CFL1: variants seen among roughly 807,000 people sequenced by gnomAD.
The protein encoded by CFL1 is cofilin 1.
Under a neutral mutation model 16.3 loss-of-function variants are expected in CFL1, and 2 were observed. The ratio of observed to expected loss-of-function variants is 0.12; its 90% CI spans 0.05 to 0.39. CFL1 has a LOEUF of 0.39. CFL1 is among the 10% of genes least tolerant of loss of function. The pLI, the probability that CFL1 is intolerant of heterozygous loss-of-function variation, is 0.99. For synonymous variants in CFL1, 111 were observed against 84.4 expected (o/e 1.31, Z -1.73); for missense variants, 75 against 212.2 (o/e 0.35, Z 4.02).
chr11:65,855,244 G>T lies in CFL1; in HGVS notation c.*92C>A. ...CCCTCCCCCTGCTGGGATCCCCCCA[G>T]CCCCTCCGGTCTGGCAGGAAGGGGG... is the stretch of plus-strand genomic sequence containing the variant. On this transcript the variant is annotated 3_prime_UTR_variant, in exon 4 of 4. Coordinates refer to ENST00000308162, the MANE Select transcript of CFL1 (RefSeq NM_005507.3). 9.6e-7 allele frequency: 1 copy of T among 1,047,028 alleles called. No individual in the cohort carries two copies. The highest frequency in any genetic ancestry group is 1.5e-6 in the Non-Finnish European group (1 of 681,042). 64.9% of individuals were successfully genotyped at this position (1,047,028 alleles called of 1,614,324 possible). A position where few individuals can be genotyped will look rare whatever the true frequency, so the allele number is the denominator to read the frequency against.
intron 1 of CFL1, chr11:65,857,364 C>T (rs907842472): frequency 5.1e-6 from 2 of 393,888 alleles, no homozygotes; most frequent in Non-Finnish European, 5.2e-6. Flanking sequence ...TCGGCACCGG[C>T]GGCCGGGCCT....
chr11:65,855,476 G>A (rs774112410), intron 3 of CFL1, 28 bp from the exon 4 acceptor site: 2 of 1,607,448 alleles, frequency 1.2e-6, no homozygotes, highest in South Asian at 1.1e-5. Context: ...GAGCATCTGT[G>A]AGCAGGAAGC....
rs1224893784 is a variant in CFL1, at chr11:65,858,137, C to T, written c.-38G>A. 2 of 1,521,224 alleles carry T rather than the reference C, an allele frequency of 1.3e-6. No homozygotes were observed. The highest frequency in any genetic ancestry group is 2.7e-5 in the East Asian group (1 of 37,114). The allele number at this position is 1,521,224 out of a possible 1,614,324, so 94.2% of individuals were successfully genotyped here. On this transcript the variant is annotated 5_prime_UTR_variant, in exon 1 of 4. Coordinates refer to ENST00000308162, the MANE Select transcript of CFL1 (RefSeq NM_005507.3). The stretch of plus-strand genomic sequence containing the variant: ...GAAAAGGAGAGGGCACCGAGAGCCG[C>T]AGAAGACGAGAGCGCTGCAGCCGCT...
chr11:65,855,514 G>A (rs1298836270), intron 3 of CFL1, 66 bp from the exon 4 acceptor site: 53 of 1,569,672 alleles, frequency 3.4e-5, no homozygotes, highest in Non-Finnish European at 4.4e-5. Flanking sequence ...TTCTGTGGCT[G>A]GGAAGGAGCC....
chr11:65,857,455 C>A, intron 1 of CFL1: 1 of 423,878 alleles, frequency 2.4e-6, no homozygotes, highest in Non-Finnish European at 4.8e-6. Context: ...TCGTTAGATG[C>A]GCTCCCGAAC....
intron 2 of CFL1, 32 bp from the exon 3 acceptor site, chr11:65,855,762 G>A (rs1425529694): frequency 6.5e-7 from 1 of 1,527,078 alleles, no homozygotes; most frequent in East Asian, 2.3e-5. Flanking sequence ...GCAACTCCCA[G>A]CAACAGCAAA....
At chr11:65,857,123 A>G in intron 1 of CFL1, 1 of 157,612 alleles carries the variant, frequency 6.3e-6, no homozygotes, top group Non-Finnish European at 1.4e-5. Flanking sequence ...GAGAGGCAGC[A>G]GCATCTCCAG....
rs1395526931 is a variant in CFL1 at position 65,855,179 on chromosome 11, G to A, written c.*157C>T. On this transcript the variant is annotated 3_prime_UTR_variant, in exon 4 of 4. Coordinates refer to ENST00000308162, the MANE Select transcript of CFL1 (RefSeq NM_005507.3). The stretch of plus-strand genomic sequence containing the variant: ...GGATGGAGGGAGAAGGAAAATCCAG[G>A]GGGTGGGGGGTCTGTTTGGCAACTG... 1.6e-5 allele frequency: 10 copies of A among 611,054 alleles called. No individual in the cohort carries two copies. The highest frequency in any genetic ancestry group is 2.9e-5 in the Non-Finnish European group (10 of 341,560). 37.9% of individuals were successfully genotyped at this position (611,054 alleles called of 1,614,324 possible).
In CFL1 at chr11:65,854,756, C is replaced by T. The variant is rs374475263; in HGVS notation, c.*580G>A. On this transcript the variant is annotated 3_prime_UTR_variant, in exon 4 of 4. Transcript: ENST00000308162. ...TAGCACCATTATCCCAGTGCACCCC[C>T]AATCCTGAAGTCTCCTGTGTCCCAA... is the stretch of plus-strand genomic sequence containing the variant. 41 of 153,408 alleles carry T rather than the reference C, an allele frequency of 2.7e-4. No homozygotes were observed. The South Asian group carries it at 7.9e-3, about 30-fold the overall frequency. The allele number at this position is 153,408 out of a possible 1,614,324, so 9.5% of individuals were successfully genotyped here.
rs764416604 is a variant in CFL1, at chr11:65,856,036, G to A, written c.210C>T (p.Thr70=). The part of the protein sequence containing the change: ...VGQTVDDPYA[T]FVKMLPDKDC... ...CCTTATCTGGCAGCATCTTGACAAA[G>A]GTGGCGTAGGGGTCGTCGACAGTCT... Residue 70 remains threonine (T), a synonymous_variant, in exon 2 of 4, where the codon ACC becomes ACT. Coordinates refer to ENST00000308162, the MANE Select transcript of CFL1 (RefSeq NM_005507.3). 12 of 1,614,024 alleles carry A rather than the reference G, an allele frequency of 7.4e-6. No homozygotes were observed. The South Asian group carries it at 8.8e-5, about 12-fold the overall frequency.
chr11:65,856,210 G>T lies in CFL1; in HGVS notation c.36C>A (p.Ile12=). Reference sequence around the variant, plus strand: ...GCACCTTCATGTCGTTGAACACCTTGATGACACCATCAGAGACAGCCACAC... The same window carrying T: ...GCACCTTCATGTCGTTGAACACCTTTATGACACCATCAGAGACAGCCACAC... ...ASGVAVSDGV[I]KVFNDMKVRK... The change falls in exon 2 of 4, where the codon ATC becomes ATA. Residue 12 remains isoleucine, a synonymous_variant. Coordinates refer to ENST00000308162, the MANE Select transcript of CFL1 (RefSeq NM_005507.3). 1 of 1,614,094 alleles carries T rather than the reference G, an allele frequency of 6.2e-7. No homozygotes were observed.
At chr11:65,855,563 C>T in intron 3 of CFL1, 91 bp downstream of exon 3, 1 of 1,549,362 alleles carries the variant, frequency 6.5e-7, no homozygotes, top group Non-Finnish European at 8.9e-7. Flanking sequence ...GCAGCGAAGA[C>T]AAGGGGGCAG....
chr11:65,855,487 A>G, intron 3 of CFL1, 39 bp from the exon 4 acceptor site: 1 of 1,598,288 alleles, frequency 6.3e-7, no homozygotes, highest in African/African-American at 1.3e-5. Context: ...AGCAGGAAGC[A>G]CTGGGGTGGG....
At position 65,855,799 on chromosome 11, in the gene CFL1, G is replaced by C. The variant is rs1211536625; in HGVS notation, c.312-69C>G. On this transcript the variant is annotated intron_variant, in intron 2 of 3. Coordinates refer to ENST00000308162, the MANE Select transcript of CFL1 (RefSeq NM_005507.3). The stretch of plus-strand genomic sequence containing the variant: ...CCACAGGTGACTTTGAGAAACCCTT[G>C]GGCTGGCAGTGAGGAGTCTTTTGTT... The C allele has an allele frequency of 2.3e-5, 35 of 1,512,776 alleles. No individual in the cohort carries two copies. In the Middle Eastern group the frequency reaches 5.4e-4, roughly 23 times the overall value. The allele number at this position is 1,512,776 out of a possible 1,614,324, so 93.7% of individuals were successfully genotyped here.
Position 65,855,113 on chromosome 11 carries a change from C to G in CFL1, c.*223G>C. On this transcript the variant is annotated 3_prime_UTR_variant, in exon 4 of 4. Transcript: ENST00000308162. ...TGGTCTGCTTCAGCCCAAGAGGAAT[C>G]AAAAGATCAAAAGCAGTTTGGGAAG... The G allele has an allele frequency of 1.9e-6, 1 of 513,726 alleles. No homozygotes were observed. Among genetic ancestry groups the G allele is most frequent in the East Asian group, 3.4e-5 (1 of 29,308 alleles). 31.8% of individuals were successfully genotyped at this position (513,726 alleles called of 1,614,324 possible).
At chr11:65,856,611 C>A in intron 1 of CFL1, 1 of 252,048 alleles carries the variant, frequency 4.0e-6, no homozygotes. Flanking sequence ...TTTAGAACTT[C>A]GGATATGGAG....
At chr11:65,858,072 T>G (rs2134710672) in intron 1 of CFL1, 25 bp downstream of exon 1, 4 of 1,531,384 alleles carry the variant, frequency 2.6e-6, no homozygotes, top group African/African-American at 1.4e-5. Context: ...GCCGCCTCCC[T>G]CAGGCGCCGT....
chr11:65,855,809 TGA>T (rs1859375702), intron 2 of CFL1, 79 bp from the exon 3 acceptor site: 3 of 1,505,528 alleles, frequency 2.0e-6, no homozygotes, highest in Admixed American at 2.1e-5. Context: ...GGGCTGGCAG[TGA>T]GGAGTCTTTT....
chr11:65,857,802 G>A, intron 1 of CFL1: 2 of 224,106 alleles, frequency 8.9e-6, no homozygotes, highest in Non-Finnish European at 1.7e-5. Flanking sequence ...GCCGTTCCGC[G>A]AGGGGCGCCC....
Sources: allele counts gnomAD v4.1 joint callset, GRCh38; gene constraint gnomAD v4.1.1; transcripts MANE v1.5; gene names NCBI Gene and HGNC (gene_info 2026-07-23, HGNC 2026-07-21).